Variants in PARD3 observed in about 807,000 individuals in gnomAD.
The protein encoded by PARD3 is par-3 family cell polarity regulator.
PARD3 carries 75 observed loss-of-function variants against 155.4 expected under a neutral mutation model. The ratio of observed to expected loss-of-function variants is 0.48; its 90% CI spans 0.40 to 0.58. The LOEUF is 0.58. Ranked by LOEUF, PARD3 falls within the 20% of genes least tolerant of loss-of-function variation. The pLI is 0.00. For missense variants in PARD3, 1,642 were observed against 1,721.7 expected, an observed-to-expected ratio of 0.95 and a Z score of 0.82; for synonymous variants, 576 against 610.5, an observed-to-expected ratio of 0.94 and a Z score of 0.83.
At chr10:34,451,183 A>G (rs1268877808) in intron 4 of PARD3, among the ~76,000 whole-genome samples, 4 of 152,212 alleles carry the variant, frequency 2.6e-5, no homozygotes, top group East Asian at 3.8e-4. Flanking sequence ...AAAAATTATA[A>G]TAACTTCCTT....
intron 4 of PARD3, among the ~76,000 whole-genome samples, chr10:34,468,127 T>A (rs2078123540): frequency 6.6e-6 from 1 of 152,148 alleles, no homozygotes; most frequent in Non-Finnish European, 1.5e-5. Flanking sequence ...GCCCCTGGAC[T>A]GCAGCACCTC....
intron 2 of PARD3, among the ~76,000 whole-genome samples, chr10:34,634,380 T>G (rs2092392451): frequency 6.6e-6 from 1 of 152,150 alleles, no homozygotes; most frequent in Admixed American, 6.5e-5. Context: ...AGAAAATTTC[T>G]GGAAGGATGC....
At chr10:34,689,135 G>T (rs1403043365) in intron 2 of PARD3, among the ~76,000 whole-genome samples, 1 of 152,178 alleles carries the variant, frequency 6.6e-6, no homozygotes, top group Non-Finnish European at 1.5e-5. Flanking sequence ...TTTAAGAGAG[G>T]TATAATGCTT....
At chr10:34,665,406 G>T (rs1331759203) in intron 2 of PARD3, among the ~76,000 whole-genome samples, 2 of 151,900 alleles carry the variant, frequency 1.3e-5, no homozygotes, top group Admixed American at 1.3e-4. Flanking sequence ...TGTAATCCCA[G>T]CTCCTCAGGA....
intron 2 of PARD3, among the ~76,000 whole-genome samples, chr10:34,667,745 C>T (rs753678344): frequency 2.0e-5 from 3 of 152,140 alleles, no homozygotes; most frequent in Non-Finnish European, 2.9e-5. Flanking sequence ...ATAGGCATGG[C>T]AAATTAAGCA....
chr10:34,733,802 G>T (rs528123198), intron 1 of PARD3, among the ~76,000 whole-genome samples: 1 of 152,304 alleles, frequency 6.6e-6, no homozygotes, highest in African/African-American at 2.4e-5. Context: ...ACCCTGCCAT[G>T]GTTAGAGTTT....
At chr10:34,740,924 G>A (rs533199931) in intron 1 of PARD3, among the ~76,000 whole-genome samples, 1 of 152,182 alleles carries the variant, frequency 6.6e-6, no homozygotes, top group East Asian at 1.9e-4. Flanking sequence ...ATGGTAGACA[G>A]GTAATGTTGG....
intron 5 of PARD3, among the ~76,000 whole-genome samples, chr10:34,404,818 C>T (rs762971854): frequency 3.3e-4 from 50 of 152,130 alleles, no homozygotes; most frequent in Middle Eastern, 6.8e-3. Context: ...GGCTTAGTGG[C>T]TCACACCTGT....
intron 5 of PARD3, among the ~76,000 whole-genome samples, chr10:34,448,420 T>C (rs1318034469): frequency 3.3e-5 from 5 of 151,806 alleles, no homozygotes; most frequent in African/African-American, 1.2e-4. Context: ...GGCCATAGGG[T>C]AAAAACTTTC....
intron 22 of PARD3, among the ~76,000 whole-genome samples, chr10:34,156,546 T>C (rs186971990): frequency 3.3e-5 from 5 of 152,264 alleles, no homozygotes; most frequent in Admixed American, 2.6e-4. Flanking sequence ...AAATGGTCAA[T>C]AGGAGGTAAG....
intron 1 of PARD3, among the ~76,000 whole-genome samples, chr10:34,754,167 T>C (rs1306956934): frequency 6.6e-6 from 1 of 152,160 alleles, no homozygotes; most frequent in Non-Finnish European, 1.5e-5. Flanking sequence ...TGCCACCATA[T>C]GTGGCTAATT....
At chr10:34,164,158 C>T (rs1391665340) in intron 22 of PARD3, among the ~76,000 whole-genome samples, 1 of 152,034 alleles carries the variant, frequency 6.6e-6, no homozygotes, top group Non-Finnish European at 1.5e-5. Flanking sequence ...AACAAAGAGC[C>T]ACCAACTAAG....
At chr10:34,772,356 A>G (rs1838987992) in intron 1 of PARD3, among the ~76,000 whole-genome samples, 1 of 152,014 alleles carries the variant, frequency 6.6e-6, no homozygotes, top group Admixed American at 6.6e-5. Context: ...TAAAAAATAA[A>G]AGGACTTGCA....
chr10:34,116,984 C>T (rs906092831), intron 24 of PARD3, among the ~76,000 whole-genome samples: 18 of 152,222 alleles, frequency 1.2e-4, no homozygotes, highest in African/African-American at 4.1e-4. Flanking sequence ...ATGAAAGGTT[C>T]GGCGGGAATG....
chr10:34,360,742 C>T (rs1839360014), intron 12 of PARD3, among the ~76,000 whole-genome samples: 1 of 152,032 alleles, frequency 6.6e-6, no homozygotes, highest in Non-Finnish European at 1.5e-5. Flanking sequence ...CATACAAAAT[C>T]AGCAGAAAAA....
In PARD3 at chr10:34,466,891, T is replaced by C. The variant is rs1403084964; in HGVS notation, c.582+3194A>G. Among the ~76,000 whole-genome samples the C allele has an allele frequency of 3.3e-5, 5 of 152,088 alleles. No individual in the cohort carries two copies. The South Asian group carries it at 8.3e-4, about 25-fold the overall frequency. On this transcript the variant is annotated intron_variant, in intron 4 of 24. Transcript: ENST00000374788. ...ACAGCATAAAACGCAGACAGCAAGA[T>C]TAGTATTTGAAGAGTAAAGCCAACG...
rs1204478719 is a variant in PARD3, at chr10:34,553,305, G to C, written c.223-36146C>G. On this transcript the variant is annotated intron_variant, in intron 2 of 24. Coordinates refer to ENST00000374788, the MANE Select transcript of PARD3 (RefSeq NM_001184785.2). ...GGCTTCCTCCCCAGTCTCTGAATCTGAGTGCACAGAGCAGAACCCAAGAAG... is the reference window on the plus strand; with the variant it reads ...GGCTTCCTCCCCAGTCTCTGAATCTCAGTGCACAGAGCAGAACCCAAGAAG... Among the ~76,000 whole-genome samples the C allele has an allele frequency of 2.0e-5, 3 of 152,164 alleles. No individual in the cohort carries two copies. In the East Asian group the frequency reaches 5.8e-4, roughly 29 times the overall value.
intron 22 of PARD3, among the ~76,000 whole-genome samples, chr10:34,195,206 T>C (rs1276819106): frequency 6.6e-6 from 1 of 152,234 alleles, no homozygotes; most frequent in Non-Finnish European, 1.5e-5. Context: ...TAAATATTCA[T>C]CTTTTCTAAT....
chr10:34,732,282 T>C (rs1193979731), intron 1 of PARD3, among the ~76,000 whole-genome samples: 2 of 152,290 alleles, frequency 1.3e-5, no homozygotes, highest in East Asian at 1.9e-4. Flanking sequence ...CATGCAAAAG[T>C]AGTAAAATGG....
Sources: allele counts gnomAD v4.1 joint callset (sites outside exome capture counted in the v4.1 genomes callset), GRCh38; gene constraint gnomAD v4.1.1; transcripts MANE v1.5; gene names NCBI Gene and HGNC (gene_info 2026-07-23, HGNC 2026-07-21).